Variants in KIAA0319L observed in about 807,000 individuals in gnomAD.
KIAA0319L encodes dyslexia-associated protein KIAA0319-like protein.
Under a neutral mutation model 120.1 loss-of-function variants are expected in KIAA0319L, and 55 were observed. The observed-to-expected ratio is 0.46, with a 90% CI of 0.37 to 0.57. KIAA0319L has a LOEUF of 0.57. Ranked by LOEUF, KIAA0319L falls within the 20% of genes least tolerant of loss-of-function variation. The pLI, the probability that KIAA0319L is intolerant of heterozygous loss-of-function variation, is 0.00. For missense variants in KIAA0319L, 1,049 were observed against 1,255.3 expected (o/e 0.84, Z 2.48); for synonymous variants, 398 against 471.9 (o/e 0.84, Z 2.03).
At chr1:35,555,921 T>C (rs1647936966) in intron 1 of KIAA0319L, among the ~76,000 whole-genome samples, 1 of 152,222 alleles carries the variant, frequency 6.6e-6, no homozygotes, top group Non-Finnish European at 1.5e-5. Context: ...TAATAAATCT[T>C]GCGTCTAAGA....
intron 4 of KIAA0319L, among the ~76,000 whole-genome samples, chr1:35,477,404 A>G (rs976044449): frequency 3.3e-5 from 5 of 152,218 alleles, no homozygotes; most frequent in Admixed American, 2.0e-4. Context: ...GCGGTGGCTC[A>G]CGCCTGTAAT....
Position 35,506,815 on chromosome 1 carries a change from C to G in KIAA0319L, c.463G>C (p.Gly155Arg). The G allele has an allele frequency of 6.2e-7, 1 of 1,614,178 alleles. No homozygotes were observed. The change falls in exon 3 of 21, where the codon GGT becomes CGT. Residue 155 changes from glycine (G) to arginine (R), a missense_variant. Physicochemically the swap from Gly to Arg is moderately radical, Grantham distance 125. Transcript: ENST00000325722. The surrounding 1 kb of genome is among the most constrained non-coding windows in gnomAD (Gnocchi z 4.0). Reference protein sequence around the residue: ...EDDVPHLLGLGWNWASWRQSP... With the variant: ...EDDVPHLLGLRWNWASWRQSP... The stretch of plus-strand genomic sequence containing the variant: ...TGCCTCCAAGATGCCCAGTTCCAAC[C>G]TAGCCCCAGAAGATGTGGTACATCA...
chr1:35,546,282 C>T (rs1043486911), intron 2 of KIAA0319L, among the ~76,000 whole-genome samples: 3 of 152,004 alleles, frequency 2.0e-5, no homozygotes, highest in African/African-American at 7.3e-5. Flanking sequence ...AAGAGGAGGA[C>T]AAAACAAAGC....
chr1:35,546,159 C>T (rs1267441077), intron 2 of KIAA0319L, among the ~76,000 whole-genome samples: 1 of 151,976 alleles, frequency 6.6e-6, no homozygotes, highest in African/African-American at 2.4e-5. Context: ...TGAGACTGCC[C>T]AGGGAGACCA....
At chr1:35,443,076 G>T (rs774710952) in intron 17 of KIAA0319L, 48 bp from the exon 18 acceptor site, 1 of 1,612,586 alleles carries the variant, frequency 6.2e-7, no homozygotes, top group Admixed American at 1.7e-5. Context: ...TCAGCCAGGG[G>T]TGACAAGCAG....
chr1:35,547,378 T>C (rs1053569490), intron 2 of KIAA0319L, among the ~76,000 whole-genome samples: 6 of 151,282 alleles, frequency 4.0e-5, no homozygotes, highest in Non-Finnish European at 8.8e-5. Context: ...AATACATGTA[T>C]TTATATATAC....
intron 9 of KIAA0319L, among the ~76,000 whole-genome samples, chr1:35,458,287 A>T (rs186917122): frequency 1.4e-4 from 22 of 152,256 alleles, no homozygotes; most frequent in African/African-American, 5.3e-4. Context: ...GGACAAAAGC[A>T]CCTTATAGAC....
At chr1:35,455,463 GCTCA>G (rs777611328) in intron 10 of KIAA0319L, among the ~76,000 whole-genome samples, 2 of 151,954 alleles carry the variant, frequency 1.3e-5, no homozygotes, top group African/African-American at 4.8e-5. Context: ...TTGTTATAGA[GCTCA>G]CTAAGATTTG....
At chr1:35,492,253 C>G (rs1203131) in intron 3 of KIAA0319L, among the ~76,000 whole-genome samples, 4 of 151,928 alleles carry the variant, frequency 2.6e-5, no homozygotes, top group Non-Finnish European at 5.9e-5. Context: ...CGGAGGCTCA[C>G]GTCTGTAATC....
In KIAA0319L at chr1:35,554,405, T is replaced by C. The variant is rs370789698; in HGVS notation, c.87A>G (p.Arg29=). ...AGCAAGTATAAAACAGGTACAGGCT[T>C]CTCAACCACTTCGCAGATGTCTGCC... ...YYWQTSAKWL[R]SLYLFYTCFC... is the part of the protein sequence containing the mutation. Residue 29 remains arginine, a synonymous_variant, in exon 2 of 21, where the codon AGA becomes AGG. Transcript: ENST00000325722. The C allele has an allele frequency of 3.7e-6, 6 of 1,613,330 alleles. No homozygotes were observed. Among genetic ancestry groups the C allele is most frequent in the Non-Finnish European group, 5.1e-6 (6 of 1,179,838 alleles).
chr1:35,485,640 T>A (rs1275928772), intron 3 of KIAA0319L, among the ~76,000 whole-genome samples: 2 of 152,206 alleles, frequency 1.3e-5, no homozygotes, highest in African/African-American at 4.8e-5. Context: ...AGGTCCACCA[T>A]CTACTCCAAC....
intron 2 of KIAA0319L, among the ~76,000 whole-genome samples, chr1:35,544,319 A>G (rs1183817133): frequency 1.3e-5 from 2 of 151,142 alleles, no homozygotes; most frequent in African/African-American, 4.9e-5. Flanking sequence ...CAGTGAGCCA[A>G]GATTGTGCCA....
Position 35,460,001 on chromosome 1 carries a change from T to C in KIAA0319L, c.1427+304A>G, listed in dbSNP as rs1318020496. Reference sequence around the variant, plus strand: ...TTGCCTGAGAAGAGGCAAAGGAAGATGGGCCTTTTCATTTAACAACAGAAA... The same window carrying C: ...TTGCCTGAGAAGAGGCAAAGGAAGACGGGCCTTTTCATTTAACAACAGAAA... On this transcript the variant is annotated intron_variant, in intron 9 of 20. Coordinates refer to ENST00000325722, the MANE Select transcript of KIAA0319L (RefSeq NM_024874.5). Among the ~76,000 whole-genome samples the C allele has an allele frequency of 2.6e-5, 4 of 152,214 alleles. No homozygotes were observed. In the South Asian group the frequency reaches 8.3e-4, roughly 32 times the overall value.
chr1:35,477,211 T>C (rs1433003312), intron 4 of KIAA0319L, among the ~76,000 whole-genome samples: 2 of 152,080 alleles, frequency 1.3e-5, no homozygotes, highest in Non-Finnish European at 2.9e-5. Flanking sequence ...AACCAGAATA[T>C]ATAAAGAGTT....
At chr1:35,487,718 A>T (rs926536958) in intron 3 of KIAA0319L, among the ~76,000 whole-genome samples, 1 of 152,228 alleles carries the variant, frequency 6.6e-6, no homozygotes, top group African/African-American at 2.4e-5. Flanking sequence ...AAGACTTCAT[A>T]TATCTGCCAC....
At chr1:35,455,975 C>T (rs1177289090) in intron 10 of KIAA0319L, 38 bp downstream of exon 10, 1 of 1,507,750 alleles carries the variant, frequency 6.6e-7, no homozygotes, top group Non-Finnish European at 9.1e-7. Flanking sequence ...AGCTCTACTT[C>T]TCTTGGGCAA....
intron 16 of KIAA0319L, among the ~76,000 whole-genome samples, chr1:35,447,098 T>C (rs1198461239): frequency 6.6e-6 from 1 of 152,144 alleles, no homozygotes; most frequent in Non-Finnish European, 1.5e-5. Context: ...TTTCTTTTAA[T>C]TTCTTCTCCT....
At chr1:35,452,924 C>T (rs1396733112) in intron 12 of KIAA0319L, among the ~76,000 whole-genome samples, 4 of 152,130 alleles carry the variant, frequency 2.6e-5, no homozygotes, top group Non-Finnish European at 4.4e-5. Context: ...ATACTTTTAA[C>T]TCTTCTTAGA....
rs768939254 is a variant in KIAA0319L at position 35,443,023 on chromosome 1, G to C, written c.2662C>G (p.Gln888Glu). ...TGGCCATGGTCGGAACAGTTCAGCT[G>C]ACATGCTGAGAGTGGCAGCAAAGGG... is the stretch of plus-strand genomic sequence containing the variant. The part of the protein sequence containing the change: ...RALEVNTVTC[Q>E]LNCSDHGHCD... Residue 888 changes from glutamine (Q) to glutamate (E), a missense_variant, in exon 18 of 21, where the codon CAG (glutamine) becomes GAG (glutamate). Physicochemically the swap from Gln to Glu is conservative, Grantham distance 29. Transcript: ENST00000325722. 6 of 1,614,164 alleles carry C rather than the reference G, an allele frequency of 3.7e-6. No homozygotes were observed. The South Asian group carries it at 4.4e-5, about 12-fold the overall frequency.
Sources: allele counts gnomAD v4.1 joint callset (sites outside exome capture counted in the v4.1 genomes callset), GRCh38; gene constraint gnomAD v4.1.1; non-coding constraint Gnocchi (gnomAD v3.1); transcripts MANE v1.5; gene names NCBI Gene and HGNC (gene_info 2026-07-23, HGNC 2026-07-21).